SLC12A6: variants seen among roughly 807,000 people sequenced by gnomAD.
SLC12A6 encodes the protein solute carrier family 12 member 6.
Under a neutral mutation model 135.3 loss-of-function variants are expected in SLC12A6, and 66 were observed. That is an observed-to-expected ratio of 0.49 (90% confidence interval 0.40 to 0.60). The LOEUF (loss-of-function observed/expected upper bound fraction) is 0.60. SLC12A6 is among the 20% of genes least tolerant of loss of function. The pLI is 0.00. For synonymous variants in SLC12A6, 513 were observed against 508.8 expected (o/e 1.01, Z -0.11); for missense variants, 1,058 against 1,452.3 (o/e 0.73, Z 4.41).
intron 2 of SLC12A6, among the ~76,000 whole-genome samples, chr15:34,304,896 C>A (rs984534906): frequency 6.6e-5 from 10 of 152,130 alleles, no homozygotes; most frequent in Admixed American, 2.6e-4. Context: ...TGTTCTAGGT[C>A]ACTTGTTATT....
At chr15:34,280,868 T>C (rs1269309028) in intron 2 of SLC12A6, among the ~76,000 whole-genome samples, 1 of 152,158 alleles carries the variant, frequency 6.6e-6, no homozygotes, top group African/African-American at 2.4e-5. Context: ...AATAAAATCC[T>C]ATCATTCATA....
intron 2 of SLC12A6, among the ~76,000 whole-genome samples, chr15:34,290,297 T>C (rs1261371166): frequency 6.6e-6 from 1 of 152,214 alleles, no homozygotes; most frequent in Non-Finnish European, 1.5e-5. Context: ...TTTGAGTGAG[T>C]TTATTAATCC....
At chr15:34,252,556 G>A (rs1330692775) in intron 9 of SLC12A6, among the ~76,000 whole-genome samples, 172 bp from the exon 10 acceptor site, 3 of 152,158 alleles carry the variant, frequency 2.0e-5, no homozygotes, top group African/African-American at 7.2e-5. Flanking sequence ...CACTGTGAAT[G>A]GTGACTTACA....
At chr15:34,235,431 ATTTTTTTTT>A in intron 24 of SLC12A6, 117 bp from the exon 25 acceptor site, 1 of 501,888 alleles carries the variant, frequency 2.0e-6, no homozygotes, top group South Asian at 2.0e-5. Flanking sequence ...TGATAAAATG[ATTTTTTTTT>A]TTTTTTTTTT....
Position 34,240,196 on chromosome 15 carries a change from AAAC to A in SLC12A6, c.2436+462_2436+464del, listed in dbSNP as rs1891550151. On this transcript the variant is annotated intron_variant, in intron 19 of 25. Transcript: ENST00000354181. ...TCATATATAATAAGTATTAGAGTGA[AAAC>A]AACTTCCTTGTTAAAGTAGAACTTT... 2.6e-5 allele frequency among the ~76,000 whole-genome samples: 4 copies of A among 152,268 alleles called. No homozygotes were observed. The South Asian group carries it at 8.3e-4, about 32-fold the overall frequency.
chr15:34,291,943 C>G (rs189298155), intron 2 of SLC12A6, among the ~76,000 whole-genome samples: 6 of 152,050 alleles, frequency 3.9e-5, no homozygotes, highest in Admixed American at 3.3e-4. Flanking sequence ...TCCTTTAGCT[C>G]GGAGAAGTTT....
intron 2 of SLC12A6, among the ~76,000 whole-genome samples, chr15:34,294,264 G>C (rs781200310): frequency 1.6e-4 from 25 of 151,980 alleles, no homozygotes; most frequent in Admixed American, 2.6e-4. Flanking sequence ...ACGGAGTCTT[G>C]CTCTGTCACC....
rs985872003 is a variant in SLC12A6 at position 34,233,544 on chromosome 15, G to C, written c.*337C>G. 1.3e-5 allele frequency: 4 copies of C among 300,916 alleles called. No individual in the cohort carries two copies. The highest frequency in any genetic ancestry group is 4.4e-5 in the Admixed American group (1 of 22,528). The allele number at this position is 300,916 out of a possible 1,614,324, so 18.6% of individuals were successfully genotyped here. ...TTAATGCTGAATACGTACTTGACTT[G>C]CTTTTTTTCTTCAGTTGAATTTCTA... On this transcript the variant is annotated 3_prime_UTR_variant, in exon 26 of 26. Coordinates refer to ENST00000354181, the MANE Select transcript of SLC12A6 (RefSeq NM_001365088.1).
intron 2 of SLC12A6, among the ~76,000 whole-genome samples, chr15:34,324,827 C>T (rs1889359002): frequency 1.3e-5 from 2 of 152,114 alleles, no homozygotes; most frequent in Admixed American, 6.5e-5. Flanking sequence ...TAGAACACTG[C>T]TTTGCAAATT....
At chr15:34,336,346 A>G in intron 2 of SLC12A6, 64 bp downstream of exon 2, 2 of 1,254,258 alleles carry the variant, frequency 1.6e-6, no homozygotes, top group Non-Finnish European at 2.3e-6. Context: ...CCAGATCCAT[A>G]GATGGTCATC....
At chr15:34,242,324 A>C in intron 16 of SLC12A6, 103 bp from the exon 17 acceptor site, 2 of 788,122 alleles carry the variant, frequency 2.5e-6, no homozygotes, top group Non-Finnish European at 4.1e-6. Context: ...TATTTTTTAA[A>C]AACTTTGAAA....
At chr15:34,241,061 TA>T (rs1371349796) in intron 18 of SLC12A6, 171 bp downstream of exon 18, 5 of 659,638 alleles carry the variant, frequency 7.6e-6, no homozygotes, top group Non-Finnish European at 1.1e-5. Context: ...ATCTTGATCA[TA>T]AACGACATGA....
intron 4 of SLC12A6, among the ~76,000 whole-genome samples, chr15:34,259,958 T>C (rs1035349289): frequency 1.3e-5 from 2 of 152,112 alleles, no homozygotes; most frequent in African/African-American, 4.8e-5. Flanking sequence ...GGGGAGAGGT[T>C]AGTCACAGGA....
chr15:34,259,075 C>CA, intron 4 of SLC12A6, 131 bp from the exon 5 acceptor site: 1 of 702,934 alleles, frequency 1.4e-6, no homozygotes, highest in Non-Finnish European at 2.4e-6. Flanking sequence ...TGCAGTGGCT[C>CA]ACACCTGTAA....
At chr15:34,336,997 T>C (rs1055137801) in intron 1 of SLC12A6, 1 of 391,174 alleles carries the variant, frequency 2.6e-6, no homozygotes, top group African/African-American at 2.1e-5. Flanking sequence ...ACCCCTCTGG[T>C]CCGGGGCTGA....
At chr15:34,316,845 G>C (rs985332128) in intron 2 of SLC12A6, among the ~76,000 whole-genome samples, 21 of 152,106 alleles carry the variant, frequency 1.4e-4, no homozygotes, top group African/African-American at 5.1e-4. Context: ...GGTGGAGAAA[G>C]CAAATTTAAA....
chr15:34,241,123 A>G (rs573428185), intron 18 of SLC12A6, 110 bp downstream of exon 18: 4 of 732,482 alleles, frequency 5.5e-6, no homozygotes, highest in African/African-American at 5.2e-5. Context: ...AAACAGGTCC[A>G]TTATACCAAT....
At chr15:34,248,879 G>A (rs1177366202) in intron 13 of SLC12A6, among the ~76,000 whole-genome samples, 1 of 152,134 alleles carries the variant, frequency 6.6e-6, no homozygotes. Flanking sequence ...GAGTTGGCCA[G>A]GTGGGAGTAA....
chr15:34,241,825 A>T (rs1048419881), intron 17 of SLC12A6, among the ~76,000 whole-genome samples: 3 of 152,210 alleles, frequency 2.0e-5, no homozygotes, highest in African/African-American at 7.2e-5. Flanking sequence ...GAGATAAGCA[A>T]AAATATTTAC....
Sources: gnomAD v4.1 joint callset for allele counts (sites outside exome capture counted in the v4.1 genomes callset) on GRCh38, gnomAD v4.1.1 for gene constraint, MANE v1.5 for transcripts, NCBI Gene and HGNC (gene_info 2026-07-23, HGNC 2026-07-21) for gene names.